PCDHA3: variants seen among roughly 807,000 people sequenced by gnomAD.
PCDHA3 encodes the protein protocadherin alpha-3.
Under a neutral mutation model 62.2 loss-of-function variants are expected in PCDHA3, and 41 were observed. That is an observed-to-expected ratio of 0.66 (90% CI 0.51 to 0.86). The LOEUF (loss-of-function observed/expected upper bound fraction) is 0.86. Ranked by LOEUF, PCDHA3 falls within the 40% of genes least tolerant of loss-of-function variation. The probability of loss-of-function intolerance (pLI) is 0.00; values close to 1 mark genes in which losing one functional copy is unlikely to be tolerated. For synonymous variants in PCDHA3, 640 were observed against 555.4 expected, an observed-to-expected ratio of 1.15 and a Z score of -2.14; for missense variants, 1,304 against 1,241.2, an observed-to-expected ratio of 1.05 and a Z score of -0.76.
At chr5:140,903,329 G>A (rs2070195936) in intron 1 of PCDHA3, among the ~76,000 whole-genome samples, 1 of 152,160 alleles carries the variant, frequency 6.6e-6, no homozygotes, top group Non-Finnish European at 1.5e-5. Context: ...TTTTATTGAG[G>A]AAAGGATGCA....
intron 1 of PCDHA3, chr5:140,869,637 T>A: frequency 6.2e-7 from 1 of 1,613,610 alleles, no homozygotes; most frequent in Non-Finnish European, 8.5e-7. Flanking sequence ...ATGAGTATTT[T>A]TCTTTAGATT....
intron 1 of PCDHA3, chr5:140,863,417 G>C: frequency 7.1e-6 from 5 of 701,160 alleles, no homozygotes; most frequent in African/African-American, 1.8e-5. Context: ...CTGGTGTACC[G>C]CAGCGTAGTG....
At chr5:140,903,500 G>A (rs553764100) in intron 1 of PCDHA3, among the ~76,000 whole-genome samples, 1 of 152,184 alleles carries the variant, frequency 6.6e-6, no homozygotes, top group African/African-American at 2.4e-5. Flanking sequence ...AGGTACCATA[G>A]ATAATAGTTC....
At chr5:140,836,252 C>T (rs2150256494) in intron 1 of PCDHA3, 2 of 1,613,762 alleles carry the variant, frequency 1.2e-6, no homozygotes, top group Admixed American at 1.7e-5. Context: ...TCCCGTTCCG[C>T]GTGGGGCTGT....
chr5:140,972,322 T>C (rs2096531924), intron 1 of PCDHA3, among the ~76,000 whole-genome samples: 1 of 151,968 alleles, frequency 6.6e-6, no homozygotes, highest in African/African-American at 2.4e-5. Context: ...AGGTGTTTTT[T>C]TTTTTTGGAA....
Position 140,801,591 on chromosome 5 carries a change from G to A in PCDHA3, c.394G>A (p.Val132Ile), listed in dbSNP as rs554968998. ...EVKDINDNAP[V>I]FPMAVKNLFI... ...GAAGGACATTAATGACAACGCGCCA[G>A]TTTTTCCAATGGCTGTAAAGAATCT... The change falls in exon 1 of 4, where the codon GTT becomes ATT. Residue 132 changes from valine to isoleucine, a missense_variant. Transcript: ENST00000522353. 1.2e-6 allele frequency: 2 copies of A among 1,614,196 alleles called. No individual in the cohort carries two copies. Among genetic ancestry groups the A allele is most frequent in the African/African-American group, 1.3e-5 (1 of 75,038 alleles).
intron 1 of PCDHA3, chr5:140,851,374 C>A: frequency 4.1e-6 from 4 of 975,728 alleles, no homozygotes; most frequent in Non-Finnish European, 5.0e-6. Flanking sequence ...TCTGATTGTT[C>A]AGCAACCTTC....
intron 1 of PCDHA3, among the ~76,000 whole-genome samples, chr5:140,918,094 T>C (rs1001602407): frequency 1.3e-5 from 2 of 152,188 alleles, no homozygotes; most frequent in East Asian, 1.9e-4. Context: ...ATTCTTTTTA[T>C]AGAGATCTTT....
rs571779587 is a variant in PCDHA3 at position 140,961,550 on chromosome 5, C to CT, written c.2395-17392dup. 1.8e-3 allele frequency among the ~76,000 whole-genome samples: 273 copies of CT among 152,148 alleles called. 1 individual carries two copies. Among genetic ancestry groups the CT allele is most frequent in the Middle Eastern group, 3.4e-3 (1 of 294 alleles). ...TAGATAGACTGTTCCTGCAGCATTT[C>CT]TTTTTTTAAATTTTGTTTTGATAAG... On this transcript the variant is annotated intron_variant, in intron 1 of 3. Transcript: ENST00000522353.
intron 1 of PCDHA3, among the ~76,000 whole-genome samples, chr5:140,951,551 A>T (rs246040): frequency 0.31 from 47,721 of 151,608 alleles, 7,835 homozygotes; most frequent in East Asian, 0.53. Flanking sequence ...GACGGGGGGA[A>T]GTGCTACGCA....
chr5:140,876,976 C>A (rs782283591), intron 1 of PCDHA3: 2 of 1,612,586 alleles, frequency 1.2e-6, no homozygotes, highest in Admixed American at 1.7e-5. Context: ...GGTGGGCGAG[C>A]ACGCACTGTC....
intron 1 of PCDHA3, among the ~76,000 whole-genome samples, chr5:140,899,629 G>T (rs2067446538): frequency 6.6e-6 from 1 of 152,116 alleles, no homozygotes; most frequent in African/African-American, 2.4e-5. Flanking sequence ...AAGGATATTG[G>T]TCTAAAATTC....
Position 140,873,523 on chromosome 5 carries a change from G to A in PCDHA3, c.2394+69932G>A, listed in dbSNP as rs1371984958. 2.0e-5 allele frequency among the ~76,000 whole-genome samples: 3 copies of A among 152,090 alleles called. No homozygotes were observed. In the East Asian group the frequency reaches 5.8e-4, roughly 29 times the overall value. ...GTCTTTTATACTTAATGCCAAGATTGCATTCTATGGTATAAAATTATAATT... is the reference window on the plus strand; with the variant it reads ...GTCTTTTATACTTAATGCCAAGATTACATTCTATGGTATAAAATTATAATT... On this transcript the variant is annotated intron_variant, in intron 1 of 3. Transcript: ENST00000522353.
At chr5:140,857,677 T>A (rs377237803) in intron 1 of PCDHA3, 6 of 1,596,766 alleles carry the variant, frequency 3.8e-6, no homozygotes, top group Non-Finnish European at 4.3e-6. Flanking sequence ...GCGTGCCGCC[T>A]CTGGGCAGCA....
At chr5:140,965,436 G>A (rs1389592396) in intron 1 of PCDHA3, among the ~76,000 whole-genome samples, 1 of 152,038 alleles carries the variant, frequency 6.6e-6, no homozygotes, top group Non-Finnish European at 1.5e-5. Flanking sequence ...TGCAGTCATT[G>A]AAATTGCTGG....
intron 1 of PCDHA3, among the ~76,000 whole-genome samples, chr5:140,945,889 A>G (rs2093857848): frequency 6.6e-6 from 1 of 152,074 alleles, no homozygotes; most frequent in African/African-American, 2.4e-5. Flanking sequence ...CAAAGAAAAC[A>G]CAGTGGGAAA....
chr5:140,828,062 C>T (rs1769507184), intron 1 of PCDHA3: 1 of 1,557,484 alleles, frequency 6.4e-7, no homozygotes, highest in Non-Finnish European at 8.7e-7. Flanking sequence ...GGAAGATCTT[C>T]TAATGGAAAT....
intron 1 of PCDHA3, among the ~76,000 whole-genome samples, chr5:140,941,202 C>CTTTCTTTCTTTCTTTCTTTCTTTCTTT (rs1554213921): frequency 8.1e-6 from 1 of 122,708 alleles, no homozygotes; most frequent in Admixed American, 8.6e-5. Context: ...TTTCTTTCTT[C>CTTTCTTTCTTTCTTTCTTTCTTTCTTT]CTTTCTTTCT....
At chr5:140,841,320 A>T in intron 1 of PCDHA3, 1 of 1,602,072 alleles carries the variant, frequency 6.2e-7, no homozygotes, top group African/African-American at 1.3e-5. Context: ...CGACTATTTA[A>T]CATGGATTAT....
Sources: gnomAD v4.1 joint callset for allele counts (sites outside exome capture counted in the v4.1 genomes callset) on GRCh38, gnomAD v4.1.1 for gene constraint, MANE v1.5 for transcripts, NCBI Gene and HGNC (gene_info 2026-07-23, HGNC 2026-07-21) for gene names.